The following PCSK5 variants were observed in gnomAD, a reference collection of about 807,000 sequenced individuals.
The protein encoded by PCSK5 is prohormone convertase 5.
PCSK5 carries 129 observed loss-of-function variants against 233.2 expected under a neutral mutation model. The ratio of observed to expected loss-of-function variants is 0.55; its 90% CI spans 0.48 to 0.64. The LOEUF is 0.64. PCSK5 is among the 30% of genes least tolerant of loss of function. PCSK5 has a pLI of 0.00. For synonymous variants in PCSK5, 825 were observed against 879.2 expected (o/e 0.94, Z 1.09); for missense variants, 2,076 against 2,430.1 (o/e 0.85, Z 3.06).
At chr9:76,144,186 G>A (rs891894021) in intron 10 of PCSK5, among the ~76,000 whole-genome samples, 1 of 150,950 alleles carries the variant, frequency 6.6e-6, no homozygotes, top group Non-Finnish European at 1.5e-5. Context: ...GTCTTAAGAA[G>A]CTGTATTGTT....
At chr9:76,124,745 CAAAAAAAAAAAA>C (rs58659276) in intron 9 of PCSK5, among the ~76,000 whole-genome samples, 4 of 92,146 alleles carry the variant, frequency 4.3e-5, no homozygotes, top group South Asian at 3.8e-4. Flanking sequence ...GACTCCATCT[CAAAAAAAAAAAA>C]AAAAAAAAAA....
intron 33 of PCSK5, among the ~76,000 whole-genome samples, chr9:76,331,912 G>A (rs1452288828): frequency 6.6e-6 from 1 of 152,190 alleles, no homozygotes; most frequent in African/African-American, 2.4e-5. Context: ...CTCCAGAACA[G>A]TAAGATAATA....
intron 3 of PCSK5, among the ~76,000 whole-genome samples, chr9:75,994,579 TG>T (rs1826930164): frequency 6.6e-6 from 1 of 151,962 alleles, no homozygotes; most frequent in South Asian, 2.1e-4. Flanking sequence ...CCTGCCACCA[TG>T]CCCAGCTACT....
chr9:76,000,346 A>G (rs1385802982), intron 3 of PCSK5, among the ~76,000 whole-genome samples: 1 of 152,202 alleles, frequency 6.6e-6, no homozygotes, highest in Admixed American at 6.5e-5. Context: ...TGAGAAGGTG[A>G]GGGAAGACTG....
At chr9:75,966,842 CT>C (rs1825607207) in intron 2 of PCSK5, among the ~76,000 whole-genome samples, 1 of 152,202 alleles carries the variant, frequency 6.6e-6, no homozygotes, top group African/African-American at 2.4e-5. Context: ...CTAGAACCAT[CT>C]GGTTTTGTCC....
intron 10 of PCSK5, among the ~76,000 whole-genome samples, chr9:76,142,832 CTTCTT>C (rs1246947795): frequency 2.0e-5 from 3 of 152,080 alleles, no homozygotes; most frequent in Non-Finnish European, 4.4e-5. Flanking sequence ...CTTCTTTTCT[CTTCTT>C]TGTAGTCTGT....
chr9:75,958,821 C>A (rs775303342), intron 2 of PCSK5, among the ~76,000 whole-genome samples: 1 of 152,130 alleles, frequency 6.6e-6, no homozygotes, highest in Admixed American at 6.5e-5. Flanking sequence ...GAGGTTAATT[C>A]GTGCAAAAAG....
At chr9:76,307,830 CAG>C (rs1221852920) in intron 28 of PCSK5, among the ~76,000 whole-genome samples, 1 of 149,440 alleles carries the variant, frequency 6.7e-6, no homozygotes, top group Non-Finnish European at 1.5e-5. Flanking sequence ...AGAACAAAAA[CAG>C]AAAAAAAAAA....
At position 76,091,312 on chromosome 9, in the gene PCSK5, T is replaced by TGAGA. The variant is rs71992221; in HGVS notation, c.895-4561_895-4558dup. Among the ~76,000 whole-genome samples, 58 of 150,138 alleles carry TGAGA rather than the reference T, an allele frequency of 3.9e-4. No individual in the cohort carries two copies. In the Middle Eastern group the frequency reaches 0.014, roughly 36 times the overall value. On this transcript the variant is annotated intron_variant, in intron 7 of 37. Coordinates refer to ENST00000674117, the MANE Select transcript of PCSK5 (RefSeq NM_001372043.1). ...TAGCCTTGCTTCTGTGCCTACAATC[T>TGAGA]GAGAGAGAGAGAGAGAGAGAAAGCG...
At chr9:75,980,529 C>T (rs1826228049) in intron 2 of PCSK5, among the ~76,000 whole-genome samples, 1 of 152,182 alleles carries the variant, frequency 6.6e-6, no homozygotes. Flanking sequence ...TCAAGTAAAA[C>T]TTCTCCATCA....
At chr9:76,295,902 A>G (rs368438565) in intron 26 of PCSK5, among the ~76,000 whole-genome samples, 3 of 152,198 alleles carry the variant, frequency 2.0e-5, no homozygotes, top group East Asian at 1.9e-4. Flanking sequence ...ATAATAGCCC[A>G]ATGCACTTGA....
chr9:76,159,102 C>A lies in PCSK5; in HGVS notation c.1550C>A (p.Pro517His), dbSNP rs1356768087. 1 of 1,614,186 alleles carries A rather than the reference C, an allele frequency of 6.2e-7. No homozygotes were observed. Among genetic ancestry groups the A allele is most frequent in the Non-Finnish European group, 8.5e-7 (1 of 1,180,032 alleles). The change falls in exon 12 of 38, where the codon CCC becomes CAC. Residue 517 changes from proline to histidine, a missense_variant. Physicochemically the swap from Pro to His is moderately conservative, Grantham distance 77. Around this residue, in one of 6 missense-constraint regions of PCSK5, gnomAD observed 50 missense variants for 104.7 expected, o/e 0.48. Coordinates refer to ENST00000674117, the MANE Select transcript of PCSK5 (RefSeq NM_001372043.1). The stretch of plus-strand genomic sequence containing the variant: ...GTTGTGCGCATCACCATCACCCACC[C>A]CAGGAGAGGAGACCTGGCCATCTAC... ...HVVVRITITH[P>H]RRGDLAIYLT... is the part of the protein sequence containing the mutation.
chr9:76,311,666 A>G (rs1438552892), intron 30 of PCSK5, among the ~76,000 whole-genome samples: 1 of 152,208 alleles, frequency 6.6e-6, no homozygotes, highest in Non-Finnish European at 1.5e-5. Flanking sequence ...AGCAACAGAA[A>G]TGCCAAGTAA....
chr9:76,159,165 C>T lies in PCSK5; in HGVS notation c.1613C>T (p.Ala538Val). The T allele has an allele frequency of 6.2e-7, 1 of 1,613,876 alleles. No homozygotes were observed. The highest frequency in any genetic ancestry group is 8.5e-7 in the Non-Finnish European group (1 of 1,179,860). The change falls in exon 12 of 38, where the codon GCC becomes GTC. Residue 538 changes from alanine (A) to valine (V), a missense_variant. Coordinates refer to ENST00000674117, the MANE Select transcript of PCSK5 (RefSeq NM_001372043.1). ...TCTGGAACTAGGTCTCAGCTTTTGG[C>T]CAACAGGTACAGCAGTGGTCTCTGC... The part of the protein sequence containing the change: ...SPSGTRSQLL[A>V]NRLFDHSMEG...
intron 20 of PCSK5, among the ~76,000 whole-genome samples, chr9:76,217,615 G>A (rs978621860): frequency 6.6e-6 from 1 of 152,172 alleles, no homozygotes; most frequent in Non-Finnish European, 1.5e-5. Context: ...CCAGATATAG[G>A]CACTTCAGTT....
chr9:76,106,480 C>T (rs143928445), intron 8 of PCSK5, among the ~76,000 whole-genome samples: 24 of 152,186 alleles, frequency 1.6e-4, no homozygotes, highest in Non-Finnish European at 3.4e-4. Context: ...AATATTATTC[C>T]GTCACAGCTG....
chr9:76,297,701 T>C (rs1482468984), intron 27 of PCSK5, among the ~76,000 whole-genome samples: 1 of 152,214 alleles, frequency 6.6e-6, no homozygotes, highest in Admixed American at 6.5e-5. Context: ...GGAGCTGCTC[T>C]TCATTTGATT....
At position 76,081,476 on chromosome 9, in the gene PCSK5, C is replaced by CAAATAAAT. The variant is rs1230704204; in HGVS notation, c.894+9581_894+9582insTAAATAAA. 9.4e-3 allele frequency among the ~76,000 whole-genome samples: 1,301 copies of CAAATAAAT among 138,388 alleles called. 15 individuals carry two copies. Among genetic ancestry groups the CAAATAAAT allele is most frequent in the African/African-American group, 0.038 (1,218 of 32,006 alleles). 90.8% of individuals were successfully genotyped at this position (138,388 alleles called of 152,430 possible). On this transcript the variant is annotated intron_variant, in intron 7 of 37. Transcript: ENST00000674117. ...TCTCAAAAATAAATAAATAAATAAA[C>CAAATAAAT]AAACAAACAAATAAATAAATAAATA...
chr9:76,157,007 T>C (rs1387321983), intron 10 of PCSK5, 38 bp from the exon 11 acceptor site: 1 of 1,409,554 alleles, frequency 7.1e-7, no homozygotes. Flanking sequence ...TTGACCTATG[T>C]AGCTTAGTGA....
Sources: allele counts gnomAD v4.1 joint callset (sites outside exome capture counted in the v4.1 genomes callset), GRCh38; gene constraint gnomAD v4.1.1; regional missense constraint gnomAD v4.1.1; transcripts MANE v1.5; gene names NCBI Gene and HGNC (gene_info 2026-07-23, HGNC 2026-07-21).